Variants in GALNT10 observed in about 807,000 individuals in gnomAD.
The protein encoded by GALNT10 is polypeptide N-acetylgalactosaminyltransferase 10.
A neutral mutation model predicts 75.0 loss-of-function variants in GALNT10; 41 were observed. The ratio of observed to expected loss-of-function variants is 0.55; its 90% CI spans 0.43 to 0.71. The LOEUF (loss-of-function observed/expected upper bound fraction) is 0.71. Among genes scored for constraint, GALNT10 ranks in the 30% least tolerant of loss-of-function variants. The pLI is 0.00. For synonymous variants in GALNT10, 302 were observed against 313.0 expected (o/e 0.96, Z 0.37); for missense variants, 727 against 818.5 (o/e 0.89, Z 1.36).
chr5:154,350,661 G>A (rs1209243423), intron 4 of GALNT10, among the ~76,000 whole-genome samples: 3 of 152,126 alleles, frequency 2.0e-5, no homozygotes, highest in Admixed American at 6.6e-5. Flanking sequence ...TTTCTGTGGC[G>A]TAAAAACTCC....
chr5:154,394,463 C>G (rs1260494018), intron 7 of GALNT10, among the ~76,000 whole-genome samples: 1 of 151,908 alleles, frequency 6.6e-6, no homozygotes, highest in Non-Finnish European at 1.5e-5. Flanking sequence ...TGGCCCAGAG[C>G]GGTTAGGTGA....
chr5:154,260,727 T>C (rs542857203), intron 1 of GALNT10, among the ~76,000 whole-genome samples: 38 of 152,326 alleles, frequency 2.5e-4, no homozygotes, highest in Admixed American at 2.5e-3. Flanking sequence ...CTGTTTAACA[T>C]GAAGCCTTTG....
chr5:154,219,830 T>TCACACACACACACACACACA (rs1160794970), intron 1 of GALNT10, among the ~76,000 whole-genome samples: 1 of 75,578 alleles, frequency 1.3e-5, no homozygotes, highest in Non-Finnish European at 3.5e-5. Flanking sequence ...TCTCTCTCTC[T>TCACACACACACACACACACA]CTCTCTCTCA....
In GALNT10 at chr5:154,417,149, T is replaced by C. The variant is rs1756531453; in HGVS notation, c.*177T>C. The C allele has an allele frequency of 3.3e-6, 2 of 609,186 alleles. No individual in the cohort carries two copies. Among genetic ancestry groups the C allele is most frequent in the South Asian group, 3.9e-5 (2 of 51,026 alleles). The allele number at this position is 609,186 out of a possible 1,614,324, so 37.7% of individuals were successfully genotyped here. On this transcript the variant is annotated 3_prime_UTR_variant, in exon 12 of 12. Transcript: ENST00000297107. ...TCTGCCTGGTCCTTGAGCCCCTGAGTTGTGGGGGTAGGGTGAAGAGCATAT... is the reference window on the plus strand; with the variant it reads ...TCTGCCTGGTCCTTGAGCCCCTGAGCTGTGGGGGTAGGGTGAAGAGCATAT...
At chr5:154,410,377 C>CAA (rs58402180) in intron 9 of GALNT10, among the ~76,000 whole-genome samples, 12 of 86,978 alleles carry the variant, frequency 1.4e-4, no homozygotes, top group East Asian at 2.9e-4. Flanking sequence ...CCTGTCTCTA[C>CAA]AAAAAAAAAA....
In GALNT10 at chr5:154,419,181, T is replaced by C. The variant is rs772993883; in HGVS notation, c.*2209T>C. ...AGGAGATGTTGGGTCTGGAGCAAGATCTGAGACTGAGATGTCCCCCAAGGG... is the reference window on the plus strand; with the variant it reads ...AGGAGATGTTGGGTCTGGAGCAAGACCTGAGACTGAGATGTCCCCCAAGGG... On this transcript the variant is annotated 3_prime_UTR_variant, in exon 12 of 12. Transcript: ENST00000297107. The C allele has an allele frequency of 4.0e-5, 6 of 151,674 alleles. No individual in the cohort carries two copies. Among genetic ancestry groups the C allele is most frequent in the African/African-American group, 9.7e-5 (4 of 41,238 alleles). 9.4% of individuals were successfully genotyped at this position (151,674 alleles called of 1,614,324 possible).
chr5:154,373,539 G>A (rs543251683), intron 4 of GALNT10, among the ~76,000 whole-genome samples: 2 of 152,260 alleles, frequency 1.3e-5, no homozygotes, highest in African/African-American at 2.4e-5. Flanking sequence ...AGTTTGTGGT[G>A]GTGGTGTGGG....
At chr5:154,285,153 A>G (rs1047028577) in intron 1 of GALNT10, among the ~76,000 whole-genome samples, 5 of 152,112 alleles carry the variant, frequency 3.3e-5, no homozygotes, top group African/African-American at 4.8e-5. Context: ...GAAAATACTT[A>G]TCTTCCTAGA....
At chr5:154,364,713 T>C (rs1755449703) in intron 4 of GALNT10, among the ~76,000 whole-genome samples, 1 of 152,044 alleles carries the variant, frequency 6.6e-6, no homozygotes, top group Non-Finnish European at 1.5e-5. Context: ...CCTTAAACGA[T>C]AGTCATGGAA....
At chr5:154,256,827 A>G (rs985585537) in intron 1 of GALNT10, among the ~76,000 whole-genome samples, 1 of 152,122 alleles carries the variant, frequency 6.6e-6, no homozygotes. Context: ...CCAACAGTGC[A>G]TGCACACCCC....
chr5:154,296,364 G>A (rs1220626362), intron 2 of GALNT10, among the ~76,000 whole-genome samples: 1 of 152,112 alleles, frequency 6.6e-6, no homozygotes, highest in Non-Finnish European at 1.5e-5. Flanking sequence ...CCAAAGTGCT[G>A]GGATTACAGG....
At position 154,384,825 on chromosome 5, in the gene GALNT10, C is replaced by A. The variant is rs554586611; in HGVS notation, c.939-1488C>A. Among the ~76,000 whole-genome samples the A allele has an allele frequency of 5.3e-5, 8 of 152,306 alleles. No homozygotes were observed. In the East Asian group the frequency reaches 1.5e-3, roughly 29 times the overall value. ...GCAGTGCTGCTTTTTAGCCATGGGG[C>A]CTTGAGCAAGTTCCCTGTCTGCACT... On this transcript the variant is annotated intron_variant, in intron 6 of 11. Transcript: ENST00000297107.
At chr5:154,286,052 C>T (rs980806066) in intron 1 of GALNT10, among the ~76,000 whole-genome samples, 2 of 152,152 alleles carry the variant, frequency 1.3e-5, no homozygotes, top group South Asian at 4.1e-4. Context: ...GGATCAGATC[C>T]CCCCAGTCTG....
At chr5:154,294,238 G>A (rs938074457) in intron 1 of GALNT10, among the ~76,000 whole-genome samples, 6 of 152,100 alleles carry the variant, frequency 3.9e-5, no homozygotes, top group Admixed American at 2.0e-4. Context: ...AGAGGTTGAG[G>A]ATGGAGAATC....
chr5:154,330,123 T>C (rs904769003), intron 4 of GALNT10, among the ~76,000 whole-genome samples: 2 of 152,254 alleles, frequency 1.3e-5, no homozygotes, highest in East Asian at 1.9e-4. Flanking sequence ...ACCAGGCTGT[T>C]TCTTTGTTTC....
At chr5:154,346,131 C>CGTGT (rs1244232599) in intron 4 of GALNT10, among the ~76,000 whole-genome samples, 2 of 80,890 alleles carry the variant, frequency 2.5e-5, no homozygotes, top group African/African-American at 4.3e-5. Context: ...GAATAATATT[C>CGTGT]GTGTGTGCGT....
intron 3 of GALNT10, among the ~76,000 whole-genome samples, chr5:154,317,101 G>T (rs1430751902): frequency 1.3e-5 from 2 of 152,184 alleles, no homozygotes; most frequent in East Asian, 3.8e-4. Flanking sequence ...CATGGGATAG[G>T]AACTTGCCGG....
chr5:154,404,847 C>T (rs188902576), intron 8 of GALNT10, among the ~76,000 whole-genome samples: 2 of 152,208 alleles, frequency 1.3e-5, no homozygotes, highest in Non-Finnish European at 2.9e-5. Flanking sequence ...CTGCCAAAAC[C>T]TCTGCATGTC....
intron 3 of GALNT10, among the ~76,000 whole-genome samples, chr5:154,325,318 C>T (rs951088620): frequency 6.6e-6 from 1 of 151,888 alleles, no homozygotes; most frequent in Non-Finnish European, 1.5e-5. Context: ...TTTTCTGAAA[C>T]TATTATATAT....
Sources: gnomAD v4.1 joint callset for allele counts (sites outside exome capture counted in the v4.1 genomes callset) on GRCh38, gnomAD v4.1.1 for gene constraint, MANE v1.5 for transcripts, NCBI Gene and HGNC (gene_info 2026-07-23, HGNC 2026-07-21) for gene names.